Variants in TEF observed in about 807,000 individuals in gnomAD.
TEF encodes TEF transcription factor, PAR bZIP family member, also known as thyrotroph embryonic factor.
Under a neutral mutation model 20.8 loss-of-function variants are expected in TEF, and 3 were observed. The ratio of observed to expected loss-of-function variants is 0.14; its 90% CI spans 0.07 to 0.37. The LOEUF (loss-of-function observed/expected upper bound fraction) is 0.37. TEF is among the 10% of genes least tolerant of loss of function. The pLI is 1.00. For synonymous variants in TEF, 180 were observed against 171.1 expected, an observed-to-expected ratio of 1.05 and a Z score of -0.41; for missense variants, 296 against 397.9, an observed-to-expected ratio of 0.74 and a Z score of 2.18.
chr22:41,375,476 C>T (rs562370787), intron 1 of TEF, among the ~76,000 whole-genome samples: 8 of 152,186 alleles, frequency 5.3e-5, no homozygotes, highest in African/African-American at 1.2e-4. Context: ...TGCGGCCGGG[C>T]GTGGTGGCAC....
At chr22:41,381,172 G>A (rs1288960316), upstream of TEF, among the ~76,000 whole-genome samples, 1 of 152,262 alleles carries the variant, frequency 6.6e-6, no homozygotes, top group African/African-American at 2.4e-5. Flanking sequence ...CGACTTGGCA[G>A]GTCGCGGTCC....
chr22:41,371,654 C>T (rs1569250556), intron 1 of TEF, among the ~76,000 whole-genome samples: 3 of 152,340 alleles, frequency 2.0e-5, no homozygotes, highest in South Asian at 2.1e-4. Flanking sequence ...CATGGCCTGG[C>T]GTCGTGCGTC....
chr22:41,377,041 G>T, upstream of TEF: 1 of 152,322 alleles, frequency 6.6e-6, no homozygotes. Context: ...TCTGTCACCT[G>T]GGCTGGAGAG....
intron 1 of TEF, among the ~76,000 whole-genome samples, chr22:41,384,025 T>G (rs1440644110): frequency 6.6e-6 from 1 of 152,220 alleles, no homozygotes; most frequent in Non-Finnish European, 1.5e-5. Flanking sequence ...GATTAATTTG[T>G]ATTAGAAAGC....
In TEF at chr22:41,381,964, G is replaced by T; in HGVS notation, c.-81G>T. 1 of 1,227,836 alleles carries T rather than the reference G, an allele frequency of 8.1e-7. No homozygotes were observed. The highest frequency in any genetic ancestry group is 3.2e-5 in the East Asian group (1 of 31,458). The allele number at this position is 1,227,836 out of a possible 1,614,324, so 76.1% of individuals were successfully genotyped here. A position where few individuals can be genotyped will look rare whatever the true frequency, so the allele number is the denominator to read the frequency against. On this transcript the variant is annotated 5_prime_UTR_variant, in exon 1 of 4. Coordinates refer to ENST00000266304, the MANE Select transcript of TEF (RefSeq NM_003216.4). The stretch of plus-strand genomic sequence containing the variant: ...TGCGCAGTAGCTGCCCGTGTCGGCA[G>T]CTGCAGCGGGTCGCACGGCTCCGGC...
chr22:41,383,145 C>A (rs1284712926), intron 1 of TEF, among the ~76,000 whole-genome samples: 3 of 152,026 alleles, frequency 2.0e-5, no homozygotes, highest in Non-Finnish European at 4.4e-5. Flanking sequence ...AGGGATAGGC[C>A]TTCGAGAGTT....
chr22:41,379,156 G>A (rs924949399), upstream of TEF, among the ~76,000 whole-genome samples: 2 of 151,924 alleles, frequency 1.3e-5, no homozygotes, highest in Non-Finnish European at 2.9e-5. Context: ...GGCCAATGTG[G>A]TAAAACCCCG....
chr22:41,381,612 G>A (rs1166120260), upstream of TEF, among the ~76,000 whole-genome samples: 2 of 152,082 alleles, frequency 1.3e-5, no homozygotes, highest in African/African-American at 2.4e-5. Context: ...TTATGAAGAG[G>A]GCGGTGAAGG....
At chr22:41,389,278 A>G (rs1032535394) in intron 2 of TEF, among the ~76,000 whole-genome samples, 2 of 152,110 alleles carry the variant, frequency 1.3e-5, no homozygotes, top group East Asian at 1.9e-4. Flanking sequence ...GCGGGTGCCT[A>G]TAGTGCCAAC....
In TEF at chr22:41,395,914, G is replaced by A. The variant is rs2037221640; in HGVS notation, c.866G>A (p.Cys289Tyr). 6.2e-7 allele frequency: 1 copy of A among 1,614,126 alleles called. No individual in the cohort carries two copies. The stretch of plus-strand genomic sequence containing the variant: ...GAGCTACGCAAGGAGGTGGGCAAGT[G>A]CAAGACCATCGTGTCCAAGTATGAG... Reference protein sequence around the residue: ...VAELRKEVGKCKTIVSKYETK... With the variant: ...VAELRKEVGKYKTIVSKYETK... Residue 289 changes from cysteine (C) to tyrosine (Y), a missense_variant, in exon 4 of 4, where the codon TGC (cysteine) becomes TAC (tyrosine). By Grantham distance (194) the Cys-to-Tyr change is radical. Transcript: ENST00000266304.
chr22:41,378,165 C>CTT (rs1227353344), upstream of TEF, among the ~76,000 whole-genome samples: 359 of 89,388 alleles, frequency 4.0e-3, 3 homozygotes, highest in East Asian at 0.019. Flanking sequence ...CCTTAGCTTC[C>CTT]TTTTTTTTTT....
intron 2 of TEF, among the ~76,000 whole-genome samples, chr22:41,389,405 A>G (rs76018918): frequency 6.7e-5 from 10 of 149,920 alleles, no homozygotes; most frequent in South Asian, 2.1e-4. Context: ...CATCTCAAAG[A>G]AAAAAAAAGA....
intron 2 of TEF, among the ~76,000 whole-genome samples, chr22:41,389,533 C>A (rs971310826): frequency 6.6e-6 from 1 of 150,862 alleles, no homozygotes; most frequent in African/African-American, 2.4e-5. Flanking sequence ...GCAGGAAAAT[C>A]GCTTGAACCC....
intron 2 of TEF, among the ~76,000 whole-genome samples, chr22:41,390,790 G>A (rs1375578167): frequency 6.6e-6 from 1 of 152,174 alleles, no homozygotes; most frequent in African/African-American, 2.4e-5. Flanking sequence ...ACTGCGCTCA[G>A]CCCTCATTGT....
chr22:41,394,039 G>C (rs1244922118), intron 2 of TEF, 57 bp from the exon 3 acceptor site: 11 of 1,520,658 alleles, frequency 7.2e-6, no homozygotes, highest in South Asian at 4.7e-5. Flanking sequence ...GGTGTGTGGC[G>C]TGGGTCTTCT....
chr22:41,393,389 T>G (rs535940051), intron 2 of TEF, among the ~76,000 whole-genome samples: 1 of 151,496 alleles, frequency 6.6e-6, no homozygotes, highest in Admixed American at 6.6e-5. Flanking sequence ...TCAGTCTGTG[T>G]CTGCCTGGAG....
intron 1 of TEF, among the ~76,000 whole-genome samples, chr22:41,384,384 G>A (rs1399323283): frequency 6.6e-6 from 1 of 152,150 alleles, no homozygotes; most frequent in African/African-American, 2.4e-5. Context: ...AGACAATTGG[G>A]TAGATCCAGT....
rs549786090 is a variant in TEF at position 41,397,456 on chromosome 22, C to A, written c.*1496C>A. ...GTGAAGAGGAGACAGAGGCGATGGGCGTGCTTCGTCCTCCGTAACACTGGC... is the reference window on the plus strand; with the variant it reads ...GTGAAGAGGAGACAGAGGCGATGGGAGTGCTTCGTCCTCCGTAACACTGGC... On this transcript the variant is annotated 3_prime_UTR_variant, in exon 4 of 4. Transcript: ENST00000266304. 1.4e-4 allele frequency: 29 copies of A among 204,718 alleles called. No individual in the cohort carries two copies. Among genetic ancestry groups the A allele is most frequent in the Non-Finnish European group, 2.9e-5 (3 of 102,472 alleles). The allele number at this position is 204,718 out of a possible 1,614,324, so 12.7% of individuals were successfully genotyped here.
chr22:41,376,708 G>T (rs1015596534), intron 1 of TEF, among the ~76,000 whole-genome samples: 1 of 152,094 alleles, frequency 6.6e-6, no homozygotes, highest in Non-Finnish European at 1.5e-5. Context: ...AACTACTCCT[G>T]ACCCAACACA....
Sources: gnomAD v4.1 joint callset for allele counts (sites outside exome capture counted in the v4.1 genomes callset) on GRCh38, gnomAD v4.1.1 for gene constraint, MANE v1.5 for transcripts, NCBI Gene and HGNC (gene_info 2026-07-23, HGNC 2026-07-21) for gene names.